TTN: variants seen among roughly 807,000 people sequenced by gnomAD.
TTN encodes the protein connectin.
In TTN, 1,525 loss-of-function variants were observed where a neutral mutation model predicts 3,223.0. That is an observed-to-expected ratio of 0.47 (90% CI 0.45 to 0.49). TTN has a LOEUF of 0.49. Ranked by LOEUF, TTN falls within the 20% of genes least tolerant of loss-of-function variation. TTN has a pLI of 0.00. For missense variants in TTN, 40,786 were observed against 43,424.0 expected, an observed-to-expected ratio of 0.94 and a Z score of 5.40; for synonymous variants, 14,094 against 15,161.0, an observed-to-expected ratio of 0.93 and a Z score of 5.17.
chr2:178,730,611 G>C lies in TTN; in HGVS notation c.17922C>G (p.Ala5974=), dbSNP rs1215982139. ...CTTCCAGCTGGCTGATTTCCAAGAA[G>C]GCAGTATTGTCATGAAAAGAGAATT... ...KYKFSFHDNT[A]FLEISQLEGT... is the part of the protein sequence containing the mutation. The change falls in exon 61 of 363, where the codon GCC becomes GCG. Residue 5974 remains alanine (A), a synonymous_variant. Coordinates refer to ENST00000589042, the MANE Select transcript of TTN (RefSeq NM_001267550.2). 1 of 1,613,510 alleles carries C rather than the reference G, an allele frequency of 6.2e-7. No homozygotes were observed. Among genetic ancestry groups the C allele is most frequent in the Admixed American group, 1.7e-5 (1 of 59,964 alleles).
rs886038722 is a variant in TTN at position 178,527,733 on chromosome 2, G to A, written c.107393C>T (p.Pro35798Leu). The A allele has an allele frequency of 6.9e-6, 11 of 1,599,816 alleles. No homozygotes were observed. Among genetic ancestry groups the A allele is most frequent in the Non-Finnish European group, 8.5e-6 (10 of 1,171,044 alleles). The change falls in exon 362 of 363, where the codon CCT (proline) becomes CTT (leucine). Residue 35798 changes from proline to leucine, a missense_variant. Coordinates refer to ENST00000589042, the MANE Select transcript of TTN (RefSeq NM_001267550.2). Reference sequence around the variant, plus strand: ...TGTTCTCAATACTACCTCTCTGGAAGGTTCTTCAACTAGAGCTGTGGAGCA... The same window carrying A: ...TGTTCTCAATACTACCTCTCTGGAAAGTTCTTCAACTAGAGCTGTGGAGCA... The part of the protein sequence containing the change: ...SLMVLPLVEE[P>L]SREVVLRTSG...
chr2:178,560,052 C>G lies in TTN; in HGVS notation c.86080G>C (p.Asp28694His). The G allele has an allele frequency of 6.2e-7, 1 of 1,613,668 alleles. No homozygotes were observed. Among genetic ancestry groups the G allele is most frequent in the Non-Finnish European group, 8.5e-7 (1 of 1,179,794 alleles). Residue 28694 changes from aspartate (D) to histidine (H), a missense_variant, in exon 326 of 363, where the codon GAT becomes CAT. Physicochemically the swap from Asp to His is moderately conservative, Grantham distance 81. Transcript: ENST00000589042. ...TGYTVEYKKS[D>H]DTDWKTSIQS... is the part of the protein sequence containing the mutation. ...ATGGAAGTTTTCCAGTCAGTGTCAT[C>G]AGATTTTTTGTATTCTACAGTATAT...
In TTN at chr2:178,580,518, T is replaced by G; in HGVS notation, c.66861A>C (p.Gly22287=). The change falls in exon 317 of 363, where the codon GGA becomes GGC. Residue 22287 remains glycine, a synonymous_variant. Transcript: ENST00000589042. The stretch of plus-strand genomic sequence containing the variant: ...ACCAAGTAATCTTTGGAGGTGGGCG[T>G]CCTTTTACTGGTACATATAGTCTCA... ...VTMRLYVPVK[G]RPPPKITWSK... The G allele has an allele frequency of 6.2e-7, 1 of 1,612,884 alleles. No individual in the cohort carries two copies. Among genetic ancestry groups the G allele is most frequent in the South Asian group, 1.1e-5 (1 of 91,040 alleles).
chr2:178,561,032 A>G lies in TTN; in HGVS notation c.85100T>C (p.Ile28367Thr), dbSNP rs1199614118. 3 of 1,613,762 alleles carry G rather than the reference A, an allele frequency of 1.9e-6. No individual in the cohort carries two copies. Among genetic ancestry groups the G allele is most frequent in the Non-Finnish European group, 2.5e-6 (3 of 1,179,822 alleles). ...VMMDVKFRDV[I>T]VVKAGEVLKI... ...AAGGACCTCTCCAGCTTTGACAACAATAACGTCTCGGAACTTGACATCCAT... is the reference window on the plus strand; with the variant it reads ...AAGGACCTCTCCAGCTTTGACAACAGTAACGTCTCGGAACTTGACATCCAT... Residue 28367 changes from isoleucine to threonine, a missense_variant, in exon 326 of 363, where the codon ATT (isoleucine) becomes ACT (threonine). Ile to Thr is a moderately conservative substitution (Grantham distance 89, BLOSUM62 -1). Transcript: ENST00000589042.
At position 178,727,791 on chromosome 2, in the gene TTN, A is replaced by G; in HGVS notation, c.19787T>C (p.Ile6596Thr). 6.2e-7 allele frequency: 1 copy of G among 1,612,930 alleles called. No homozygotes were observed. The highest frequency in any genetic ancestry group is 8.5e-7 in the Non-Finnish European group (1 of 1,179,260). Residue 6596 changes from isoleucine (I) to threonine (T), a missense_variant, in exon 68 of 363, where the codon ATA (isoleucine) becomes ACA (threonine). Coordinates refer to ENST00000589042, the MANE Select transcript of TTN (RefSeq NM_001267550.2). ...IPDSTVEFKA[I>T]LKGTPPFKIK... ...TTTAAATGGTGGTGTTCCTTTTAGT[A>G]TTGCCTTAAATTCCACTGTAGAATC...
intron 47 of TTN, chr2:178,751,010 A>C: frequency 6.2e-7 from 1 of 1,612,656 alleles, no homozygotes; most frequent in South Asian, 1.1e-5. Flanking sequence ...TTCTTCATCA[A>C]CAATAGTTTG....
chr2:178,581,599 C>T lies in TTN; in HGVS notation c.66669G>A (p.Met22223Ile), dbSNP rs1049450842. 3.7e-6 allele frequency: 6 copies of T among 1,612,714 alleles called. No individual in the cohort carries two copies. The Admixed American group carries it at 5.0e-5, about 13-fold the overall frequency. The change falls in exon 316 of 363, where the codon ATG becomes ATA. Residue 22223 changes from methionine to isoleucine, a missense_variant. Transcript: ENST00000589042. ...QKTRFEVTGL[M>I]EDTQYQFRVY... ...CACGGAATTGATATTGTGTGTCTTC[C>T]ATCAGGCCAGTAACCTCAAAGCGGG...
chr2:178,705,153 G>A, intron 103 of TTN, 21 bp downstream of exon 103: 2 of 1,604,708 alleles, frequency 1.2e-6, no homozygotes, highest in Non-Finnish European at 1.7e-6. Flanking sequence ...TTAGCATGAT[G>A]CTATATATGA....
chr2:178,574,822 G>C lies in TTN; in HGVS notation c.71310C>G (p.Asp23770Glu), dbSNP rs1320217778. Residue 23770 changes from aspartate (D) to glutamate (E), a missense_variant, in exon 326 of 363, where the codon GAC (aspartate) becomes GAG (glutamate). Asp to Glu is a conservative substitution (Grantham distance 45). Coordinates refer to ENST00000589042, the MANE Select transcript of TTN (RefSeq NM_001267550.2). ...SNYVVEMRQT[D>E]STTWVELATT... ...TTGCTAACTCAACCCAGGTAGTACT[G>C]TCAGTCTGCCGCATTTCCACTACAT... is the stretch of plus-strand genomic sequence containing the variant. 1.2e-6 allele frequency: 2 copies of C among 1,612,920 alleles called. No individual in the cohort carries two copies. Among genetic ancestry groups the C allele is most frequent in the Non-Finnish European group, 1.7e-6 (2 of 1,179,370 alleles).
rs146098114 is a variant in TTN at position 178,542,745 on chromosome 2, G to T, written c.97109C>A (p.Thr32370Asn). ...TGTGTATTCTCCAGTATCTCTGATA[G>T]TGGTTTCACGGATGGTTAATTTAGC... ...KVAKLTIRET[T>N]IRDTGEYTLE... The change falls in exon 348 of 363, where the codon ACT becomes AAT. Residue 32370 changes from threonine to asparagine, a missense_variant. By Grantham distance (65) the Thr-to-Asn change is moderately conservative. Coordinates refer to ENST00000589042, the MANE Select transcript of TTN (RefSeq NM_001267550.2). 20 of 1,613,558 alleles carry T rather than the reference G, an allele frequency of 1.2e-5. No homozygotes were observed. The East Asian group carries it at 4.5e-4, about 36-fold the overall frequency.
At position 178,650,824 on chromosome 2, in the gene TTN, C is replaced by G; in HGVS notation, c.39636G>C (p.Val13212=). 2 of 1,604,010 alleles carry G rather than the reference C, an allele frequency of 1.2e-6. No homozygotes were observed. The highest frequency in any genetic ancestry group is 1.7e-6 in the Non-Finnish European group (2 of 1,174,842). Residue 13212 remains valine (V), a synonymous_variant, in exon 209 of 363, where the codon GTG becomes GTC. Transcript: ENST00000589042. The part of the protein sequence containing the change: ...PEVPPAKVPE[V]PKKPVLEEKP... ...TCTCTTCCAAGACAGGTTTCTTTGG[C>G]ACTTCTGGCACTTTAAAGATATTAA...
chr2:178,664,024 G>T lies in TTN; in HGVS notation c.36355C>A (p.Pro12119Thr), dbSNP rs1319233801. ...VVPPKKPEVPPVKVPEASKEV... is the reference protein window; with the variant it reads ...VVPPKKPEVPTVKVPEASKEV... ...AGTCAGTGACAAATACCTTTAACAG[G>T]TGGGACTTCAGGCTTTTTAGGAGGC... The change falls in exon 169 of 363, where the codon CCT becomes ACT. Residue 12119 changes from proline to threonine, a missense_variant. Pro to Thr is a conservative substitution (Grantham distance 38). Coordinates refer to ENST00000589042, the MANE Select transcript of TTN (RefSeq NM_001267550.2). 2.5e-6 allele frequency: 4 copies of T among 1,613,334 alleles called. No homozygotes were observed. Among genetic ancestry groups the T allele is most frequent in the South Asian group, 2.2e-5 (2 of 91,078 alleles).
In TTN at chr2:178,535,079, T is replaced by C. The variant is rs565546848; in HGVS notation, c.101536A>G (p.Met33846Val). ...CCTTTGACTTTAACAAATTTGGCCA[T>C]GTATGTCTTCTTTGAGGATGTTTCA... The part of the protein sequence containing the change: ...CVETSSKKTY[M>V]AKFVKVKGTD... The change falls in exon 358 of 363, where the codon ATG becomes GTG. Residue 33846 changes from methionine (M) to valine (V), a missense_variant. Physicochemically the swap from Met to Val is conservative, Grantham distance 21. Transcript: ENST00000589042. 8.1e-6 allele frequency: 13 copies of C among 1,613,922 alleles called. No individual in the cohort carries two copies. The highest frequency in any genetic ancestry group is 5.0e-5 in the Admixed American group (3 of 60,006).
intron 77 of TTN, 25 bp from the exon 78 acceptor site, chr2:178,722,159 G>A: frequency 6.5e-7 from 1 of 1,533,830 alleles, no homozygotes. Flanking sequence ...GAAAGGCAAT[G>A]TGTATTTTTT....
At chr2:178,803,391 G>A (rs1443083679) in intron 2 of TTN, among the ~76,000 whole-genome samples, 3 of 151,580 alleles carry the variant, frequency 2.0e-5, no homozygotes, top group African/African-American at 7.3e-5. Context: ...CAGTTCAGAA[G>A]TTACTGAGTG....
At position 178,737,934 on chromosome 2, in the gene TTN, G is replaced by A. The variant is rs1406368295; in HGVS notation, c.14371+148C>T. The A allele has an allele frequency of 3.5e-6, 3 of 863,434 alleles. No individual in the cohort carries two copies. In the African/African-American group the frequency reaches 5.1e-5, roughly 15 times the overall value. The allele number at this position is 863,434 out of a possible 1,614,324, so 53.5% of individuals were successfully genotyped here. Reference sequence around the variant, plus strand: ...AATAATGATTTCTTATCCCATATAGGCTCTGCAGTACCTACCTACCATGTT... The same window carrying A: ...AATAATGATTTCTTATCCCATATAGACTCTGCAGTACCTACCTACCATGTT... On this transcript the variant is annotated intron_variant, in intron 49 of 362. Transcript: ENST00000589042.
At position 178,527,324 on chromosome 2, in the gene TTN, CA is replaced by C. The variant is rs148707308; in HGVS notation, c.107681-18del. 5.4e-5 allele frequency: 84 copies of C among 1,563,584 alleles called. No homozygotes were observed. The highest frequency in any genetic ancestry group is 1.6e-4 in the Admixed American group (8 of 50,462). On this transcript the variant is annotated intron_variant, in intron 362 of 362. Transcript: ENST00000589042. ...GCGGAATTCCTTTATGGAACAATGA[CA>C]AAAAAAAGGTCTTAGAATCACTGAA...
chr2:178,706,964 C>T lies in TTN; in HGVS notation c.29042-10G>A, dbSNP rs771716718. 6.3e-7 allele frequency: 1 copy of T among 1,596,960 alleles called. No individual in the cohort carries two copies. On this transcript the variant is annotated splice_polypyrimidine_tract_variant and intron_variant, in intron 100 of 362. Transcript: ENST00000589042. ...GCCACAGCTGGTTTGTCTGAAAAAA[C>T]ATTTACATGTTTTGTTACTACAATC...
intron 240 of TTN, 65 bp from the exon 241 acceptor site, chr2:178,625,461 T>G (rs780933763): frequency 6.3e-6 from 9 of 1,439,718 alleles, no homozygotes; most frequent in Non-Finnish European, 8.2e-6. Flanking sequence ...TTTAATTCAT[T>G]TAGATAAAAA....
Sources: allele counts gnomAD v4.1 joint callset (sites outside exome capture counted in the v4.1 genomes callset), GRCh38; gene constraint gnomAD v4.1.1; transcripts MANE v1.5; gene names NCBI Gene and HGNC (gene_info 2026-07-23, HGNC 2026-07-21).